The following NQO2 variants were observed in gnomAD, a reference collection of about 807,000 sequenced individuals.
The protein encoded by NQO2 is ribosyldihydronicotinamide dehydrogenase [quinone].
A neutral mutation model predicts 22.0 loss-of-function variants in NQO2; 18 were observed. The ratio of observed to expected loss-of-function variants is 0.82; its 90% CI spans 0.56 to 1.21. The LOEUF (loss-of-function observed/expected upper bound fraction) is 1.21. Among genes scored for constraint, NQO2 ranks in the 50% most tolerant of loss-of-function variants. NQO2 has a pLI of 0.00. For synonymous variants in NQO2, 106 were observed against 110.8 expected (o/e 0.96, Z 0.28); for missense variants, 267 against 286.9 (o/e 0.93, Z 0.50).
At chr6:3,004,727 G>T in intron 1 of NQO2, 1 of 830,162 alleles carries the variant, frequency 1.2e-6, no homozygotes. Flanking sequence ...GGTTCACGTT[G>T]TCGTTTGGAC....
intron 4 of NQO2, among the ~76,000 whole-genome samples, chr6:3,012,930 C>T (rs1458088293): frequency 7.0e-6 from 1 of 142,208 alleles, no homozygotes; most frequent in Non-Finnish European, 1.5e-5. Context: ...AAACACTGTA[C>T]GTAGATGTAA....
At chr6:3,015,049 G>A in intron 4 of NQO2, 1 of 1,251,432 alleles carries the variant, frequency 8.0e-7, no homozygotes, top group African/African-American at 1.5e-5. Flanking sequence ...CTATGGGATA[G>A]GGAGATCTTA....
rs761061503 is a variant in NQO2 at position 3,012,774 on chromosome 6, GT to G, written c.303+104del. 4.1e-4 allele frequency: 515 copies of G among 1,260,970 alleles called. 1 individual carries two copies. Among genetic ancestry groups the G allele is most frequent in the Non-Finnish European group, 5.3e-4 (479 of 901,990 alleles). The allele number at this position is 1,260,970 out of a possible 1,614,324, so 78.1% of individuals were successfully genotyped here. ...TGCTGCTTCTGGAAGTGGCATCAAT[GT>G]TTTGAGCACAGTTGCACACTTACTG... On this transcript the variant is annotated intron_variant, in intron 4 of 6. Coordinates refer to ENST00000380455, the MANE Select transcript of NQO2 (RefSeq NM_000904.6).
chr6:3,015,275 A>G (rs772388194), intron 4 of NQO2: 39 of 1,442,674 alleles, frequency 2.7e-5, no homozygotes, highest in African/African-American at 7.0e-5. Context: ...CTGCCTGCCC[A>G]GGGCCAGCAT....
At chr6:3,016,673 G>A in intron 5 of NQO2, 1 of 846,608 alleles carries the variant, frequency 1.2e-6, no homozygotes, top group Non-Finnish European at 1.4e-6. Context: ...TAGAGCTTCT[G>A]TGTCTGCTTG....
intron 2 of NQO2, among the ~76,000 whole-genome samples, chr6:3,007,151 A>G (rs1304750222): frequency 1.3e-5 from 2 of 151,988 alleles, no homozygotes; most frequent in African/African-American, 4.8e-5. Flanking sequence ...AGATAATCCT[A>G]TGTTTTGGGG....
At chr6:3,008,633 G>A (rs1220433453) in intron 2 of NQO2, among the ~76,000 whole-genome samples, 1 of 152,056 alleles carries the variant, frequency 6.6e-6, no homozygotes, top group Non-Finnish European at 1.5e-5. Context: ...CATCTATCGG[G>A]GGAAATTCAG....
rs745326686 is a variant in NQO2, at chr6:3,019,515, G to A, written c.556G>A (p.Ala186Thr). The change falls in exon 7 of 7, where the codon GCC (alanine) becomes ACC (threonine). Residue 186 changes from alanine (A) to threonine (T), a missense_variant. Transcript: ENST00000380455. The part of the protein sequence containing the change: ...TLHFCGFKVL[A>T]PQISFAPEIA... Reference sequence around the variant, plus strand: ...ACACTTCTGTGGATTTAAAGTCCTTGCCCCTCAGATCAGCTTTGCTCCTGA... The same window carrying A: ...ACACTTCTGTGGATTTAAAGTCCTTACCCCTCAGATCAGCTTTGCTCCTGA... 1 of 1,614,052 alleles carries A rather than the reference G, an allele frequency of 6.2e-7. No homozygotes were observed. Among genetic ancestry groups the A allele is most frequent in the African/African-American group, 1.3e-5 (1 of 74,996 alleles).
chr6:3,010,154 A>G lies in NQO2; in HGVS notation c.137A>G (p.Asn46Ser), dbSNP rs1757095254. ...TVTVSDLYAMNLEPRATDKDI... is the reference protein window; with the variant it reads ...TVTVSDLYAMSLEPRATDKDI... ...ACAGTGTCTGATTTGTATGCCATGA[A>G]CCTTGAGCCGAGGGCCACAGACAAA... Residue 46 changes from asparagine (N) to serine (S), a missense_variant, in exon 3 of 7, where the codon AAC (asparagine) becomes AGC (serine). Transcript: ENST00000380455. 6.2e-7 allele frequency: 1 copy of G among 1,613,522 alleles called. No homozygotes were observed. Among genetic ancestry groups the G allele is most frequent in the Admixed American group, 1.7e-5 (1 of 59,882 alleles).
chr6:3,019,121 A>G (rs1757444484), intron 6 of NQO2, among the ~76,000 whole-genome samples: 1 of 152,186 alleles, frequency 6.6e-6, no homozygotes, highest in South Asian at 2.1e-4. Flanking sequence ...CATGGTATAT[A>G]TTATAGCTAG....
rs141374847 is a variant in NQO2, at chr6:3,013,624, T to C, written c.303+950T>C. 5.5e-4 allele frequency among the ~76,000 whole-genome samples: 84 copies of C among 152,204 alleles called. 2 individuals carry two copies. The East Asian group carries it at 0.015, about 28-fold the overall frequency. Reference sequence around the variant, plus strand: ...AGCCCAGCCACCTTCCTGTATTTGTTCACAAGGAGGTGATGCCACTGCAGA... The same window carrying C: ...AGCCCAGCCACCTTCCTGTATTTGTCCACAAGGAGGTGATGCCACTGCAGA... On this transcript the variant is annotated intron_variant, in intron 4 of 6. Transcript: ENST00000380455.
chr6:3,016,811 T>C, intron 5 of NQO2, 73 bp from the exon 6 acceptor site: 1 of 1,577,296 alleles, frequency 6.3e-7, no homozygotes, highest in Non-Finnish European at 8.6e-7. Context: ...GCTGAGCCCG[T>C]GTGCTGGAGG....
In NQO2 at chr6:3,006,314, G is replaced by A; in HGVS notation, c.-85-154G>A. On this transcript the variant is annotated intron_variant, in intron 1 of 6. Coordinates refer to ENST00000380455, the MANE Select transcript of NQO2 (RefSeq NM_000904.6). The surrounding 1 kb of genome is among the most constrained non-coding windows in gnomAD (Gnocchi z 4.0). The stretch of plus-strand genomic sequence containing the variant: ...CATCCTGCGTGGCTTGTCCTCTGAG[G>A]CCTAAATCTCCAGAAGATTCCTGGC... 1 of 985,270 alleles carries A rather than the reference G, an allele frequency of 1.0e-6. No homozygotes were observed. The highest frequency in any genetic ancestry group is 1.2e-6 in the Non-Finnish European group (1 of 829,802). The allele number at this position is 985,270 out of a possible 1,614,324, so 61.0% of individuals were successfully genotyped here.
chr6:3,018,870 C>CAA (rs375212473), intron 6 of NQO2, among the ~76,000 whole-genome samples: 2,956 of 147,596 alleles, frequency 0.02, 98 homozygotes, highest in African/African-American at 0.069. Flanking sequence ...CATATTATGG[C>CAA]CAAAAAAAAA....
chr6:3,006,501 A>G lies in NQO2; in HGVS notation c.-52A>G. The G allele has an allele frequency of 6.2e-7, 1 of 1,612,676 alleles. No homozygotes were observed. The highest frequency in any genetic ancestry group is 8.5e-7 in the Non-Finnish European group (1 of 1,179,368). On this transcript the variant is annotated 5_prime_UTR_variant, in exon 2 of 7. Transcript: ENST00000380455. This position sits in a 1 kb window ranked among gnomAD's most constrained non-coding sequence, Gnocchi z 4.0. ...ACTCGCTGAAGAGAGACTACGCAGGAAAGCCCCAGCCACCCATCAAATCAG... is the reference window on the plus strand; with the variant it reads ...ACTCGCTGAAGAGAGACTACGCAGGGAAGCCCCAGCCACCCATCAAATCAG...
At chr6:3,004,597 A>G (rs1756873768) in intron 1 of NQO2, 1 of 985,534 alleles carries the variant, frequency 1.0e-6, no homozygotes, top group Non-Finnish European at 1.2e-6. Flanking sequence ...AGCTGGAGAT[A>G]AGGAGTGGGC....
intron 1 of NQO2, among the ~76,000 whole-genome samples, chr6:3,003,037 C>G (rs1161808833): frequency 6.6e-6 from 1 of 152,164 alleles, no homozygotes; most frequent in South Asian, 2.1e-4. Context: ...CTTCTGCTTC[C>G]CTGGGCTTTG....
At chr6:3,010,845 C>T (rs979351070) in intron 3 of NQO2, among the ~76,000 whole-genome samples, 1 of 151,954 alleles carries the variant, frequency 6.6e-6, no homozygotes, top group Non-Finnish European at 1.5e-5. Flanking sequence ...TTTGGAACCT[C>T]TCATATTCAG....
At chr6:3,002,098 G>A (rs1756752992) in intron 1 of NQO2, 2 of 471,890 alleles carry the variant, frequency 4.2e-6, no homozygotes, top group African/African-American at 2.1e-5. Context: ...GCCATATGAT[G>A]TAAACATGTA....
Sources: allele counts gnomAD v4.1 joint callset (sites outside exome capture counted in the v4.1 genomes callset), GRCh38; gene constraint gnomAD v4.1.1; non-coding constraint Gnocchi (gnomAD v3.1); transcripts MANE v1.5; gene names NCBI Gene and HGNC (gene_info 2026-07-23, HGNC 2026-07-21).